Variants in DNAAF11 observed in about 807,000 individuals in gnomAD.
DNAAF11 encodes the protein leucine rich repeat containing 6.
Under a neutral mutation model 60.8 loss-of-function variants are expected in DNAAF11, and 45 were observed. The ratio of observed to expected loss-of-function variants is 0.74; its 90% CI spans 0.58 to 0.95. The LOEUF (loss-of-function observed/expected upper bound fraction) is 0.95, where lower values mean the gene tolerates loss of function less well. Ranked by LOEUF, DNAAF11 falls within the 40% of genes least tolerant of loss-of-function variation. The pLI is 0.00. For synonymous variants in DNAAF11, 191 were observed against 183.5 expected, an observed-to-expected ratio of 1.04 and a Z score of -0.33; for missense variants, 546 against 546.2, an observed-to-expected ratio of 1.00 and a Z score of 0.00.
At chr8:132,592,674 A>G (rs935025047) in intron 10 of DNAAF11, among the ~76,000 whole-genome samples, 5 of 152,314 alleles carry the variant, frequency 3.3e-5, no homozygotes, top group African/African-American at 1.2e-4. Context: ...ATATTGAAAT[A>G]AAATATGAAA....
intron 7 of DNAAF11, among the ~76,000 whole-genome samples, chr8:132,621,351 G>A (rs532994456): frequency 1.3e-5 from 2 of 152,268 alleles, no homozygotes; most frequent in African/African-American, 2.4e-5. Context: ...GTGGATCAGC[G>A]CCATTTGGGT....
rs556546082 is a variant in DNAAF11 at position 132,578,581 on chromosome 8, A to G, written c.1226+5113T>C. The G allele has an allele frequency of 4.3e-5, 39 of 915,764 alleles. 1 individual carries two copies. Among genetic ancestry groups the G allele is most frequent in the Admixed American group, 3.4e-4 (15 of 44,714 alleles). 56.7% of individuals were successfully genotyped at this position (915,764 alleles called of 1,614,324 possible). A position where few individuals can be genotyped will look rare whatever the true frequency, so the allele number is the denominator to read the frequency against. ...AGCAAGAAAAAAGAAAATGCCTAAA[A>G]TTAATCACTAAGTGCAAAACACATC... On this transcript the variant is annotated intron_variant, in intron 11 of 11. Coordinates refer to ENST00000620350, the MANE Select transcript of DNAAF11 (RefSeq NM_012472.6).
intron 3 of DNAAF11, among the ~76,000 whole-genome samples, chr8:132,646,189 C>T (rs1403447323): frequency 6.6e-6 from 1 of 152,152 alleles, no homozygotes; most frequent in Non-Finnish European, 1.5e-5. Context: ...ATTCAACATT[C>T]TTAAAGAAAA....
At chr8:132,691,342 G>T in the DNAAF11 span, among the ~76,000 whole-genome samples, 1 of 152,006 alleles carries the variant, frequency 6.6e-6, no homozygotes, top group Admixed American at 6.6e-5. Context: ...TATGAGTTTG[G>T]TTATTTGTTT....
chr8:132,688,843 C>T, the DNAAF11 span, among the ~76,000 whole-genome samples: 911 of 152,318 alleles, frequency 6.0e-3, 14 homozygotes, highest in African/African-American at 0.021. Context: ...CACTAACTTG[C>T]AACTGACAGA....
chr8:132,636,201 T>C (rs1821281347), intron 4 of DNAAF11, among the ~76,000 whole-genome samples: 1 of 149,844 alleles, frequency 6.7e-6, no homozygotes, highest in Non-Finnish European at 1.5e-5. Flanking sequence ...TTTTACATAG[T>C]AGTAAACATA....
At chr8:132,680,654 T>G in the DNAAF11 span, among the ~76,000 whole-genome samples, 1 of 151,724 alleles carries the variant, frequency 6.6e-6, no homozygotes, top group Non-Finnish European at 1.5e-5. Context: ...CAAGTCTCAG[T>G]TCCTTCCTTT....
At chr8:132,591,604 G>A (rs1816473042) in intron 10 of DNAAF11, among the ~76,000 whole-genome samples, 1 of 151,634 alleles carries the variant, frequency 6.6e-6, no homozygotes, top group East Asian at 1.9e-4. Flanking sequence ...GTCTTTTGTG[G>A]TTTATTTTTC....
chr8:132,635,000 T>G (rs1380465053), intron 4 of DNAAF11, among the ~76,000 whole-genome samples: 1 of 152,154 alleles, frequency 6.6e-6, no homozygotes, highest in Admixed American at 6.5e-5. Flanking sequence ...TTGATTTAAT[T>G]AGAACTACAT....
chr8:132,695,220 G>T, the DNAAF11 span, among the ~76,000 whole-genome samples: 1 of 152,166 alleles, frequency 6.6e-6, no homozygotes, highest in African/African-American at 2.4e-5. Flanking sequence ...AAGGAATTTT[G>T]CTGCTACTGT....
chr8:132,644,664 AAC>A (rs1822189983), intron 3 of DNAAF11, among the ~76,000 whole-genome samples: 1 of 152,126 alleles, frequency 6.6e-6, no homozygotes, highest in South Asian at 2.1e-4. Flanking sequence ...AGTCTTAGCA[AAC>A]AGCACACCAG....
At chr8:132,686,644 G>A in the DNAAF11 span, among the ~76,000 whole-genome samples, 9 of 152,068 alleles carry the variant, frequency 5.9e-5, no homozygotes, top group Non-Finnish European at 1.3e-4. Context: ...GAGTCAGCCG[G>A]ACTAGGAGGA....
chr8:132,636,208 CAT>C (rs149665457), intron 4 of DNAAF11, among the ~76,000 whole-genome samples: 13,777 of 151,986 alleles, frequency 0.091, 792 homozygotes, highest in South Asian at 0.14. Flanking sequence ...TAGTAGTAAA[CAT>C]ATGAATACCA....
At chr8:132,642,284 A>C (rs1400618378) in intron 3 of DNAAF11, among the ~76,000 whole-genome samples, 1 of 152,252 alleles carries the variant, frequency 6.6e-6, no homozygotes, top group African/African-American at 2.4e-5. Context: ...CATCATGCTT[A>C]TGAGAGAAAT....
chr8:132,582,220 G>A (rs184641960), intron 11 of DNAAF11, among the ~76,000 whole-genome samples: 26 of 152,294 alleles, frequency 1.7e-4, no homozygotes, highest in African/African-American at 6.0e-4. Context: ...AATGATTAAG[G>A]AGCACCATAA....
At chr8:132,675,343 G>A (rs1445883228) in intron 1 of DNAAF11, 141 bp downstream of exon 1, 1 of 850,112 alleles carries the variant, frequency 1.2e-6, no homozygotes, top group Non-Finnish European at 1.8e-6. Context: ...CTGCGGTGCG[G>A]AGGGCCGGGT....
intron 9 of DNAAF11, among the ~76,000 whole-genome samples, chr8:132,610,578 A>G (rs1818563743): frequency 6.6e-6 from 1 of 152,226 alleles, no homozygotes; most frequent in Non-Finnish European, 1.5e-5. Flanking sequence ...CTTCAAGCCC[A>G]TATTAGCCCA....
the DNAAF11 span, among the ~76,000 whole-genome samples, chr8:132,686,229 A>G: frequency 6.6e-6 from 1 of 152,148 alleles, no homozygotes; most frequent in Non-Finnish European, 1.5e-5. Flanking sequence ...ACAAAGGAAG[A>G]CTTTTCCCAG....
intron 8 of DNAAF11, 25 bp downstream of exon 8, chr8:132,615,013 A>G (rs763711548): frequency 1.4e-6 from 2 of 1,480,864 alleles, no homozygotes; most frequent in African/African-American, 1.4e-5. Flanking sequence ...AATGTCATAA[A>G]TAAATACGTA....
Sources: allele counts gnomAD v4.1 joint callset (sites outside exome capture counted in the v4.1 genomes callset), GRCh38; gene constraint gnomAD v4.1.1; transcripts MANE v1.5; gene names NCBI Gene and HGNC (gene_info 2026-07-23, HGNC 2026-07-21).